FOXP2: variants seen among roughly 807,000 people sequenced by gnomAD.
FOXP2 encodes the protein forkhead box protein P2.
Under a neutral mutation model 115.8 loss-of-function variants are expected in FOXP2, and 12 were observed. The ratio of observed to expected loss-of-function variants is 0.10; its 90% confidence interval spans 0.07 to 0.17. FOXP2 has a LOEUF of 0.17. Ranked by LOEUF, FOXP2 falls within the 10% of genes least tolerant of loss-of-function variation. FOXP2 has a pLI of 1.00. For missense variants in FOXP2, 629 were observed against 843.5 expected (o/e 0.75, Z 3.15); for synonymous variants, 328 against 297.7 (o/e 1.10, Z -1.05).
chr7:114,677,035 G>A (rs1037412086), intron 16 of FOXP2, among the ~76,000 whole-genome samples: 7 of 151,868 alleles, frequency 4.6e-5, no homozygotes, highest in South Asian at 2.1e-4. Flanking sequence ...GCGTGGTTGC[G>A]CGCGCCTGTA....
intron 16 of FOXP2, among the ~76,000 whole-genome samples, chr7:114,685,605 G>A (rs558499026): frequency 1.7e-4 from 26 of 152,244 alleles, no homozygotes; most frequent in African/African-American, 6.3e-4. Context: ...TATCCCTAGG[G>A]AGTAATCTAT....
chr7:114,687,700 T>C (rs915576834), intron 16 of FOXP2, among the ~76,000 whole-genome samples: 1 of 152,206 alleles, frequency 6.6e-6, no homozygotes, highest in African/African-American at 2.4e-5. Flanking sequence ...CTAGGATTGT[T>C]TGTTACCATA....
At chr7:114,513,473 A>G (rs2129263562) in intron 2 of FOXP2, among the ~76,000 whole-genome samples, 1 of 152,228 alleles carries the variant, frequency 6.6e-6, no homozygotes, top group Admixed American at 6.5e-5. Flanking sequence ...CTTAGACCCC[A>G]CCTCAAGCCT....
chr7:114,242,000 G>T (rs1795167090), intron 1 of FOXP2, among the ~76,000 whole-genome samples: 1 of 148,532 alleles, frequency 6.7e-6, no homozygotes, highest in Admixed American at 6.9e-5. Context: ...TTGGACTTCT[G>T]TTTGCCTCTC....
At chr7:114,662,005 G>A (rs1212735188) in intron 13 of FOXP2, 60 bp from the exon 14 acceptor site, 1 of 1,594,474 alleles carries the variant, frequency 6.3e-7, no homozygotes, top group Admixed American at 1.7e-5. Context: ...GTAGTATGTT[G>A]GGCTGCCTTA....
chr7:114,312,327 G>A (rs985623454), intron 2 of FOXP2, among the ~76,000 whole-genome samples: 1 of 152,028 alleles, frequency 6.6e-6, no homozygotes, highest in African/African-American at 2.4e-5. Context: ...TATCATTTGG[G>A]CAGCTTGTTT....
chr7:114,394,891 A>G (rs1449601664), intron 2 of FOXP2, among the ~76,000 whole-genome samples: 1 of 152,174 alleles, frequency 6.6e-6, no homozygotes, highest in Non-Finnish European at 1.5e-5. Context: ...GCTAGAGAGG[A>G]CATTATTAGG....
Position 114,489,536 on chromosome 7 carries a change from T to A in FOXP2, c.169-45081T>A, listed in dbSNP as rs546779565. On this transcript the variant is annotated intron_variant, in intron 2 of 16. Transcript: ENST00000350908. ...AGTATTTCCCATTCTTCTGCTTGAATGAATTCCCAATCTTTCTCCCTTCTT... is the reference window on the plus strand; with the variant it reads ...AGTATTTCCCATTCTTCTGCTTGAAAGAATTCCCAATCTTTCTCCCTTCTT... Among the ~76,000 whole-genome samples, 11 of 151,882 alleles carry A rather than the reference T, an allele frequency of 7.2e-5. No homozygotes were observed. The South Asian group carries it at 2.3e-3, about 32-fold the overall frequency.
At chr7:114,304,669 C>CAAAAAAAAA (rs71157580) in intron 2 of FOXP2, among the ~76,000 whole-genome samples, 8 of 65,140 alleles carry the variant, frequency 1.2e-4, no homozygotes, top group Middle Eastern at 0.012. Flanking sequence ...GACTCTGTCT[C>CAAAAAAAAA]AAAAAAAAAA....
chr7:114,654,890 T>C (rs1431980723), intron 10 of FOXP2, among the ~76,000 whole-genome samples: 2 of 152,140 alleles, frequency 1.3e-5, no homozygotes, highest in Non-Finnish European at 2.9e-5. Flanking sequence ...AAGACGACTA[T>C]ATTGTCTAAT....
intron 16 of FOXP2, among the ~76,000 whole-genome samples, chr7:114,683,709 A>G (rs192512694): frequency 9.7e-4 from 148 of 152,334 alleles, no homozygotes; most frequent in Admixed American, 1.7e-3. Flanking sequence ...TTCCATGTAT[A>G]CACGGAGAGT....
chr7:114,324,115 C>T (rs1797496686), intron 2 of FOXP2, among the ~76,000 whole-genome samples: 1 of 151,782 alleles, frequency 6.6e-6, no homozygotes, highest in East Asian at 1.9e-4. Context: ...TCACTAGGAC[C>T]TTTTTTTCTT....
chr7:114,240,728 T>G (rs777393265), intron 1 of FOXP2, among the ~76,000 whole-genome samples: 1 of 152,042 alleles, frequency 6.6e-6, no homozygotes, highest in African/African-American at 2.4e-5. Context: ...AAGTTTAAAC[T>G]GTTCTTCTCT....
rs569908965 is a variant in FOXP2 at position 114,193,131 on chromosome 7, A to G, written c.-102+30043A>G. 2.6e-5 allele frequency among the ~76,000 whole-genome samples: 4 copies of G among 152,160 alleles called. No individual in the cohort carries two copies. In the East Asian group the frequency reaches 7.7e-4, roughly 29 times the overall value. ...AAATACAGAGATAAAAGACTTTCCT[A>G]TACTTTGTTGAAGAAAAGGTATTTA... On this transcript the variant is annotated intron_variant, in intron 1 of 17. Transcript: ENST00000634411.
Position 114,354,042 on chromosome 7 carries a change from A to T in FOXP2, c.-11+65933A>T, listed in dbSNP as rs533173382. On this transcript the variant is annotated intron_variant, in intron 2 of 17. Coordinates refer to the FOXP2 transcript ENST00000634411. Reference sequence around the variant, plus strand: ...GGTTAGCTTTTGAATTAGTAAACTCAGTAAAGAAGATCTATACTCACCAAT... The same window carrying T: ...GGTTAGCTTTTGAATTAGTAAACTCTGTAAAGAAGATCTATACTCACCAAT... Among the ~76,000 whole-genome samples the T allele has an allele frequency of 6.2e-4, 94 of 152,272 alleles. 2 individuals are homozygous for T. The South Asian group carries it at 0.019, about 31-fold the overall frequency.
At chr7:114,423,932 G>T (rs1447966088) in intron 1 of FOXP2, among the ~76,000 whole-genome samples, 1 of 151,254 alleles carries the variant, frequency 6.6e-6, no homozygotes, top group African/African-American at 2.4e-5. Flanking sequence ...TATAAGTGTT[G>T]TATCAGATAC....
intron 1 of FOXP2, among the ~76,000 whole-genome samples, chr7:114,107,536 G>A (rs1262118750): frequency 1.3e-5 from 2 of 151,846 alleles, no homozygotes; most frequent in African/African-American, 4.8e-5. Context: ...GTACTAGGTT[G>A]GATAATTTAG....
At chr7:114,570,022 C>T (rs1356337202) in intron 3 of FOXP2, among the ~76,000 whole-genome samples, 2 of 151,834 alleles carry the variant, frequency 1.3e-5, no homozygotes, top group Non-Finnish European at 2.9e-5. Flanking sequence ...GATGTGTTGT[C>T]ACATGGTCTA....
intron 2 of FOXP2, among the ~76,000 whole-genome samples, chr7:114,483,748 CA>C (rs1796654390): frequency 6.6e-6 from 1 of 151,684 alleles, no homozygotes; most frequent in African/African-American, 2.4e-5. Context: ...GGGTGCTTAA[CA>C]TGTGTTGTAC....
Sources: allele counts gnomAD v4.1 joint callset (sites outside exome capture counted in the v4.1 genomes callset), GRCh38; gene constraint gnomAD v4.1.1; transcripts MANE v1.5; gene names NCBI Gene and HGNC (gene_info 2026-07-23, HGNC 2026-07-21).